RCOR1: variants seen among roughly 807,000 people sequenced by gnomAD.
RCOR1 encodes REST corepressor.
Under a neutral mutation model 64.0 loss-of-function variants are expected in RCOR1, and 12 were observed. The observed-to-expected ratio is 0.19, with a 90% CI of 0.12 to 0.30. The LOEUF (loss-of-function observed/expected upper bound fraction) is 0.30. Among genes scored for constraint, RCOR1 ranks in the 10% least tolerant of loss-of-function variants. The pLI is 1.00. For missense variants in RCOR1, 502 were observed against 621.2 expected (o/e 0.81, Z 2.04); for synonymous variants, 279 against 227.2 (o/e 1.23, Z -2.05).
intron 8 of RCOR1, 93 bp downstream of exon 8, chr14:102,714,710 A>C (rs1420642930): frequency 1.0e-6 from 1 of 993,962 alleles, no homozygotes; most frequent in Non-Finnish European, 1.5e-6. Flanking sequence ...TCTTTCCGCA[A>C]ATCTCAAAGG....
At chr14:102,594,934 C>T (rs565455328) in intron 2 of RCOR1, among the ~76,000 whole-genome samples, 6 of 152,136 alleles carry the variant, frequency 3.9e-5, no homozygotes, top group African/African-American at 1.4e-4. Context: ...AGTTGGTAGG[C>T]TTTTTGATAC....
At chr14:102,679,757 C>A (rs576821768) in intron 2 of RCOR1, among the ~76,000 whole-genome samples, 1 of 152,296 alleles carries the variant, frequency 6.6e-6, no homozygotes, top group African/African-American at 2.4e-5. Context: ...GGATTACAGG[C>A]GTGAGCCACT....
At chr14:102,660,351 AACTT>A (rs1273073883) in intron 2 of RCOR1, among the ~76,000 whole-genome samples, 2 of 137,720 alleles carry the variant, frequency 1.5e-5, no homozygotes, top group Non-Finnish European at 1.6e-5. Context: ...TTTTGGGTAA[AACTT>A]TTTTTTTTTT....
chr14:102,630,972 C>T (rs181803198), intron 2 of RCOR1, among the ~76,000 whole-genome samples: 22 of 151,994 alleles, frequency 1.4e-4, no homozygotes, highest in Admixed American at 1.3e-3. Context: ...TCTCCTTTTC[C>T]AGTGAGGTCT....
chr14:102,659,805 G>C (rs1396982310), intron 2 of RCOR1, among the ~76,000 whole-genome samples: 1 of 152,150 alleles, frequency 6.6e-6, no homozygotes, highest in Non-Finnish European at 1.5e-5. Flanking sequence ...AGTTTGGTAA[G>C]GACGTTATTG....
intron 4 of RCOR1, 72 bp downstream of exon 4, chr14:102,701,402 T>G (rs1439005020): frequency 3.3e-6 from 4 of 1,205,312 alleles, no homozygotes; most frequent in Middle Eastern, 2.9e-4. Context: ...TATTTTTTTC[T>G]TCTTTGTATT....
chr14:102,708,798 C>A (rs536660867), intron 6 of RCOR1, among the ~76,000 whole-genome samples: 1 of 152,254 alleles, frequency 6.6e-6, no homozygotes, highest in Non-Finnish European at 1.5e-5. Context: ...AGTCAGTTAA[C>A]TTTGACCCAT....
At chr14:102,711,672 GTTCTCT>G (rs1895961599) in intron 7 of RCOR1, among the ~76,000 whole-genome samples, 6 of 152,012 alleles carry the variant, frequency 3.9e-5, no homozygotes, top group Admixed American at 2.0e-4. Flanking sequence ...TTCTCAGAGA[GTTCTCT>G]CTCTCTGCTC....
chr14:102,623,163 T>C (rs1893908882), intron 2 of RCOR1, among the ~76,000 whole-genome samples: 1 of 152,154 alleles, frequency 6.6e-6, no homozygotes, highest in Admixed American at 6.5e-5. Context: ...ATTTAATGTA[T>C]TTATTGATAT....
At chr14:102,606,355 C>A (rs1893506839) in intron 2 of RCOR1, among the ~76,000 whole-genome samples, 1 of 152,166 alleles carries the variant, frequency 6.6e-6, no homozygotes, top group Non-Finnish European at 1.5e-5. Flanking sequence ...AGCCACTGCA[C>A]CTGACTGTAT....
At chr14:102,683,227 A>G (rs1895341744) in intron 3 of RCOR1, among the ~76,000 whole-genome samples, 1 of 152,196 alleles carries the variant, frequency 6.6e-6, no homozygotes, top group Non-Finnish European at 1.5e-5. Context: ...AAACTTTAAA[A>G]AAACTAACCT....
chr14:102,656,132 T>A (rs1894718807), intron 2 of RCOR1: 1 of 974,622 alleles, frequency 1.0e-6, no homozygotes. Flanking sequence ...TGCTGAGATT[T>A]TTTTATTTTT....
intron 2 of RCOR1, among the ~76,000 whole-genome samples, chr14:102,616,212 G>A (rs1893757058): frequency 1.4e-4 from 1 of 7,180 alleles, no homozygotes; most frequent in Non-Finnish European, 2.8e-4. Context: ...GTATATGTGT[G>A]TGTGTGTGTG....
intron 2 of RCOR1, among the ~76,000 whole-genome samples, chr14:102,679,515 G>T (rs540403094): frequency 4.1e-5 from 6 of 144,696 alleles, no homozygotes; most frequent in Non-Finnish European, 7.5e-5. Flanking sequence ...ATCTCGCTCT[G>T]TCACCCAGGC....
chr14:102,649,066 C>CA (rs370578626), intron 2 of RCOR1, among the ~76,000 whole-genome samples: 3,348 of 101,308 alleles, frequency 0.033, 50 homozygotes, highest in Admixed American at 0.047. Flanking sequence ...GCAAAAAAAA[C>CA]AAAAAAAAAA....
At chr14:102,608,189 A>G (rs1224010467) in intron 2 of RCOR1, among the ~76,000 whole-genome samples, 3 of 152,152 alleles carry the variant, frequency 2.0e-5, no homozygotes, top group Non-Finnish European at 4.4e-5. Flanking sequence ...AAAATCTCAC[A>G]TGTGTTAGAA....
At chr14:102,600,180 G>A (rs1893360921) in intron 2 of RCOR1, among the ~76,000 whole-genome samples, 2 of 151,972 alleles carry the variant, frequency 1.3e-5, no homozygotes, top group Admixed American at 6.6e-5. Flanking sequence ...TCCGCCTCCC[G>A]GGTTCACGCC....
chr14:102,613,258 C>T (rs968270548), intron 2 of RCOR1, among the ~76,000 whole-genome samples: 3 of 151,562 alleles, frequency 2.0e-5, no homozygotes, highest in Non-Finnish European at 2.9e-5. Flanking sequence ...TGCGCCACCA[C>T]GCCTGGCTAA....
chr14:102,724,216 A>G (rs934217804), intron 11 of RCOR1, among the ~76,000 whole-genome samples: 2 of 152,164 alleles, frequency 1.3e-5, no homozygotes, highest in Non-Finnish European at 2.9e-5. Context: ...TCTCTGCAAA[A>G]CAAAATGAAG....
Sources: gnomAD v4.1 joint callset for allele counts (sites outside exome capture counted in the v4.1 genomes callset) on GRCh38, gnomAD v4.1.1 for gene constraint, MANE v1.5 for transcripts, NCBI Gene and HGNC (gene_info 2026-07-23, HGNC 2026-07-21) for gene names.